FOXP2: variants seen among roughly 807,000 people sequenced by gnomAD.
FOXP2 encodes forkhead box protein P2.
A neutral mutation model predicts 115.8 loss-of-function variants in FOXP2; 12 were observed. That is an observed-to-expected ratio of 0.10 (90% CI 0.07 to 0.17). FOXP2 has a LOEUF of 0.17. Ranked by LOEUF, FOXP2 falls within the 10% of genes least tolerant of loss-of-function variation. FOXP2 has a pLI of 1.00. For missense variants in FOXP2, 629 were observed against 843.5 expected, an observed-to-expected ratio of 0.75 and a Z score of 3.15; for synonymous variants, 328 against 297.7, an observed-to-expected ratio of 1.10 and a Z score of -1.05.
chr7:114,255,590 G>T (rs1306880954), intron 1 of FOXP2, among the ~76,000 whole-genome samples: 2 of 152,198 alleles, frequency 1.3e-5, no homozygotes, highest in African/African-American at 2.4e-5. Flanking sequence ...GACCCTCCGA[G>T]CCAGGCGGGC....
intron 1 of FOXP2, among the ~76,000 whole-genome samples, chr7:114,108,453 G>T (rs1791179992): frequency 6.6e-6 from 1 of 151,764 alleles, no homozygotes; most frequent in African/African-American, 2.4e-5. Flanking sequence ...AAGATATAAT[G>T]ATTTCTTCAA....
intron 2 of FOXP2, among the ~76,000 whole-genome samples, chr7:114,467,408 C>A (rs753229278): frequency 3.6e-4 from 55 of 152,048 alleles, no homozygotes; most frequent in South Asian, 6.2e-4. Flanking sequence ...CCTGTAAACT[C>A]CAAAATGATT....
chr7:114,140,978 A>G (rs931290929), intron 1 of FOXP2, among the ~76,000 whole-genome samples: 43 of 152,332 alleles, frequency 2.8e-4, no homozygotes, highest in African/African-American at 1.0e-3. Flanking sequence ...TATATAGACA[A>G]CAGATAATTT....
At chr7:114,174,930 C>A (rs1292244908) in intron 1 of FOXP2, among the ~76,000 whole-genome samples, 1 of 151,998 alleles carries the variant, frequency 6.6e-6, no homozygotes, top group Non-Finnish European at 1.5e-5. Flanking sequence ...AAGAAAGTAG[C>A]CTGTATATCT....
chr7:114,240,716 C>T (rs1795131172), intron 1 of FOXP2, among the ~76,000 whole-genome samples: 1 of 151,786 alleles, frequency 6.6e-6, no homozygotes, highest in Non-Finnish European at 1.5e-5. Context: ...AACCCTATTT[C>T]AAAGTTTAAA....
At chr7:114,361,158 T>G (rs1042070860) in intron 2 of FOXP2, among the ~76,000 whole-genome samples, 2 of 152,110 alleles carry the variant, frequency 1.3e-5, no homozygotes, top group African/African-American at 4.8e-5. Flanking sequence ...GAAATATGAA[T>G]AAACATTAGG....
At chr7:114,281,980 A>T (rs933943750) in intron 1 of FOXP2, among the ~76,000 whole-genome samples, 2 of 152,094 alleles carry the variant, frequency 1.3e-5, no homozygotes, top group African/African-American at 4.8e-5. Context: ...CATAGGCCCC[A>T]CTCTGTACAG....
At chr7:114,355,156 A>G (rs1268376039) in intron 2 of FOXP2, among the ~76,000 whole-genome samples, 1 of 152,136 alleles carries the variant, frequency 6.6e-6, no homozygotes, top group Non-Finnish European at 1.5e-5. Flanking sequence ...GTATTTAGGG[A>G]AATAAAAATA....
chr7:114,277,709 A>G (rs1796222759), intron 1 of FOXP2, among the ~76,000 whole-genome samples: 1 of 152,090 alleles, frequency 6.6e-6, no homozygotes, highest in South Asian at 2.1e-4. Flanking sequence ...TGACCTTGAT[A>G]ATTTGCTTTA....
intron 2 of FOXP2, among the ~76,000 whole-genome samples, chr7:114,458,731 C>G (rs1041681263): frequency 5.3e-5 from 8 of 151,802 alleles, no homozygotes; most frequent in Admixed American, 1.3e-4. Context: ...CAGGAAAATT[C>G]TGTTATTTTT....
At chr7:114,636,181 CA>C (rs1297420987) in intron 6 of FOXP2, among the ~76,000 whole-genome samples, 1 of 152,096 alleles carries the variant, frequency 6.6e-6, no homozygotes, top group East Asian at 1.9e-4. Context: ...AAGGATACTC[CA>C]GAAACTGGGA....
intron 1 of FOXP2, among the ~76,000 whole-genome samples, chr7:114,191,624 A>G (rs1457411448): frequency 3.3e-5 from 5 of 152,222 alleles, no homozygotes; most frequent in Non-Finnish European, 1.5e-5. Context: ...GCTTTTCAAA[A>G]TAGAAGTTTT....
At chr7:114,287,160 T>C (rs1193027638) in intron 1 of FOXP2, among the ~76,000 whole-genome samples, 1 of 151,908 alleles carries the variant, frequency 6.6e-6, no homozygotes, top group African/African-American at 2.4e-5. Context: ...GGGTATCCAA[T>C]CTTTTGGCTT....
chr7:114,196,158 C>T (rs953365743), intron 1 of FOXP2, among the ~76,000 whole-genome samples: 1 of 151,924 alleles, frequency 6.6e-6, no homozygotes, highest in South Asian at 2.1e-4. Context: ...GACTAGGGCG[C>T]GCGTCACCAC....
chr7:114,317,443 A>T (rs1204434896), intron 2 of FOXP2, among the ~76,000 whole-genome samples: 3 of 152,198 alleles, frequency 2.0e-5, no homozygotes, highest in African/African-American at 7.2e-5. Flanking sequence ...CACATAATAA[A>T]TGTTTAGTTA....
upstream of FOXP2, among the ~76,000 whole-genome samples, chr7:114,087,121 T>C (rs776536364): frequency 9.9e-5 from 15 of 152,198 alleles, no homozygotes; most frequent in Non-Finnish European, 1.8e-4. Flanking sequence ...GCACACACTT[T>C]ATTGATCCAA....
At chr7:114,634,973 A>G (rs1262277289) in intron 6 of FOXP2, among the ~76,000 whole-genome samples, 1 of 152,154 alleles carries the variant, frequency 6.6e-6, no homozygotes, top group Non-Finnish European at 1.5e-5. Flanking sequence ...TTTAATTTAT[A>G]AAAGTTATTT....
rs148134212 is a variant in FOXP2, at chr7:114,520,743, C to T, written c.169-13874C>T. Among the ~76,000 whole-genome samples the T allele has an allele frequency of 2.4e-3, 364 of 151,914 alleles. 2 individuals carry two copies. Among genetic ancestry groups the T allele is most frequent in the South Asian group, 7.5e-3 (36 of 4,812 alleles). The stretch of plus-strand genomic sequence containing the variant: ...GGCAAAGCAAGGTAAAATATTTTTG[C>T]CTGTTAGTTTAGAAAATACTAAAAA... On this transcript the variant is annotated intron_variant, in intron 2 of 16. Coordinates refer to ENST00000350908, the MANE Select transcript of FOXP2 (RefSeq NM_014491.4).
At chr7:114,580,246 T>C (rs1183060508) in intron 3 of FOXP2, among the ~76,000 whole-genome samples, 1 of 152,122 alleles carries the variant, frequency 6.6e-6, no homozygotes, top group African/African-American at 2.4e-5. Context: ...CATCGTCATC[T>C]TAACTAGGGG....
Sources: gnomAD v4.1 joint callset for allele counts (sites outside exome capture counted in the v4.1 genomes callset) on GRCh38, gnomAD v4.1.1 for gene constraint, MANE v1.5 for transcripts, NCBI Gene and HGNC (gene_info 2026-07-23, HGNC 2026-07-21) for gene names.